Variants in PPP4R3B observed in about 807,000 individuals in gnomAD.
The protein encoded by PPP4R3B is serine/threonine-protein phosphatase 4 regulatory subunit 3B.
In PPP4R3B, 52 loss-of-function variants were observed where a neutral mutation model predicts 95.4. That is an observed-to-expected ratio of 0.54 (90% CI 0.44 to 0.69). PPP4R3B has a LOEUF of 0.69. Ranked by LOEUF, PPP4R3B falls within the 30% of genes least tolerant of loss-of-function variation. The pLI is 0.00. For missense variants in PPP4R3B, 1,003 were observed against 1,005.9 expected, an observed-to-expected ratio of 1.00 and a Z score of 0.04; for synonymous variants, 407 against 343.9, an observed-to-expected ratio of 1.18 and a Z score of -2.03.
chr2:55,596,931 T>G (rs1308420570), intron 4 of PPP4R3B, among the ~76,000 whole-genome samples: 1 of 152,090 alleles, frequency 6.6e-6, no homozygotes, highest in Non-Finnish European at 1.5e-5. Context: ...ACCATTGCAC[T>G]CCAGCTTGGG....
chr2:55,607,207 T>C (rs1343961252), intron 2 of PPP4R3B, among the ~76,000 whole-genome samples: 3 of 152,194 alleles, frequency 2.0e-5, no homozygotes, highest in African/African-American at 2.4e-5. Flanking sequence ...AGTGTGAGGA[T>C]TTCTCCCCAC....
At chr2:55,598,338 G>C in intron 4 of PPP4R3B, 78 bp downstream of exon 4, 1 of 1,381,332 alleles carries the variant, frequency 7.2e-7, no homozygotes, top group Non-Finnish European at 9.8e-7. Flanking sequence ...AAAAATAGAG[G>C]GTATAAACAC....
chr2:55,563,218 T>A (rs965303649), intron 15 of PPP4R3B, among the ~76,000 whole-genome samples: 56 of 152,280 alleles, frequency 3.7e-4, no homozygotes, highest in Admixed American at 1.2e-3. Context: ...ATAAAACTTA[T>A]CAAACTAATG....
intron 16 of PPP4R3B, among the ~76,000 whole-genome samples, chr2:55,553,570 A>T (rs770644725): frequency 6.6e-6 from 1 of 151,986 alleles, no homozygotes; most frequent in Admixed American, 6.6e-5. Flanking sequence ...CATTTCACCC[A>T]CCAAAAAAAG....
intron 16 of PPP4R3B, among the ~76,000 whole-genome samples, chr2:55,554,433 T>C (rs559552272): frequency 3.3e-5 from 5 of 152,378 alleles, no homozygotes; most frequent in African/African-American, 1.2e-4. Context: ...GTGCATCTTT[T>C]TTATTATAGC....
Position 55,554,283 on chromosome 2 carries a change from G to T in PPP4R3B, c.2455-4277C>A, listed in dbSNP as rs1176431752. On this transcript the variant is annotated intron_variant, in intron 16 of 16. Coordinates refer to ENST00000616407, the MANE Select transcript of PPP4R3B (RefSeq NM_001122964.3). ...TGCCCAGGCTGGTCTCGAGCTCCTG[G>T]GCTCAAGCGATGCTCCTGCCTCGGC... 3.9e-5 allele frequency among the ~76,000 whole-genome samples: 6 copies of T among 152,252 alleles called. No homozygotes were observed. In the South Asian group the frequency reaches 8.3e-4, roughly 21 times the overall value.
chr2:55,565,282 TAG>T (rs1687137654), intron 13 of PPP4R3B, among the ~76,000 whole-genome samples: 1 of 149,436 alleles, frequency 6.7e-6, no homozygotes, highest in African/African-American at 2.5e-5. Context: ...GAAAAGTAAA[TAG>T]ATTTATTTTA....
Position 55,615,351 on chromosome 2 carries a change from ATGT to A in PPP4R3B, c.198+97_198+99del, listed in dbSNP as rs1694744654. ...TACACATGATCTTTGTTTACCAAAC[ATGT>A]TTTTTTCTTGTCAGGAAAGCTTTCC... is the stretch of plus-strand genomic sequence containing the variant. On this transcript the variant is annotated intron_variant, in intron 2 of 16. Coordinates refer to ENST00000616407, the MANE Select transcript of PPP4R3B (RefSeq NM_001122964.3). 6 of 904,078 alleles carry A rather than the reference ATGT, an allele frequency of 6.6e-6. No individual in the cohort carries two copies. The South Asian group carries it at 7.5e-5, about 11-fold the overall frequency. 56.0% of individuals were successfully genotyped at this position (904,078 alleles called of 1,614,324 possible). A position where few individuals can be genotyped will look rare whatever the true frequency, so the allele number is the denominator to read the frequency against.
chr2:55,610,827 A>G (rs550465426), intron 2 of PPP4R3B, among the ~76,000 whole-genome samples: 50 of 151,762 alleles, frequency 3.3e-4, no homozygotes, highest in Non-Finnish European at 6.0e-4. Flanking sequence ...AACCCAATTA[A>G]CACACAATTG....
At position 55,578,267 on chromosome 2, in the gene PPP4R3B, G is replaced by A; in HGVS notation, c.1544C>T (p.Pro515Leu). ...TPSHSHSHST[P>L]SSSISQDNIV... Reference sequence around the variant, plus strand: ...CATACCTTGAGAGATGGAGGAAGAGGGGGTAGAATGGGAATGGGAATGTGA... The same window carrying A: ...CATACCTTGAGAGATGGAGGAAGAGAGGGTAGAATGGGAATGGGAATGTGA... The change falls in exon 10 of 17, where the codon CCC becomes CTC. Residue 515 changes from proline to leucine, a missense_variant. Around this residue, in one of 3 missense-constraint regions of PPP4R3B, gnomAD observed 695 missense variants for 686.2 expected, o/e 1.01. Transcript: ENST00000616407. 2.0e-6 allele frequency: 3 copies of A among 1,475,240 alleles called. No individual in the cohort carries two copies. Among genetic ancestry groups the A allele is most frequent in the Non-Finnish European group, 2.7e-6 (3 of 1,110,070 alleles). The allele number at this position is 1,475,240 out of a possible 1,614,324, so 91.4% of individuals were successfully genotyped here.
chr2:55,551,170 A>G (rs1340353550), intron 16 of PPP4R3B, among the ~76,000 whole-genome samples: 1 of 152,102 alleles, frequency 6.6e-6, no homozygotes, highest in Non-Finnish European at 1.5e-5. Context: ...CCTGGCCAAC[A>G]TAGCAAAACC....
intron 11 of PPP4R3B, among the ~76,000 whole-genome samples, 155 bp downstream of exon 11, chr2:55,577,160 T>A (rs966338203): frequency 6.6e-6 from 1 of 152,226 alleles, no homozygotes; most frequent in African/African-American, 2.4e-5. Context: ...CTATTTTTAA[T>A]ATTGGAGATA....
In PPP4R3B at chr2:55,610,797, C is replaced by G. The variant is rs982812207; in HGVS notation, c.198+4654G>C. Among the ~76,000 whole-genome samples, 8 of 151,708 alleles carry G rather than the reference C, an allele frequency of 5.3e-5. 1 individual carries two copies. The highest frequency in any genetic ancestry group is 1.3e-4 in the Admixed American group (2 of 15,262). On this transcript the variant is annotated intron_variant, in intron 2 of 16. Coordinates refer to ENST00000616407, the MANE Select transcript of PPP4R3B (RefSeq NM_001122964.3). Reference sequence around the variant, plus strand: ...TGTTACATCCTGCCTCCAAATAAAACTGCAATGAGGATTTTCTTAAACCCA... The same window carrying G: ...TGTTACATCCTGCCTCCAAATAAAAGTGCAATGAGGATTTTCTTAAACCCA...
Position 55,586,709 on chromosome 2 carries a change from G to A in PPP4R3B, c.1025C>T (p.Ala342Val). ...ELVNFFKEFC[A>V]FSQTLQPQNR... Reference sequence around the variant, plus strand: ...TTGAGGTTGTAATGTCTGAGAAAATGCACAAAACTCCTTGAAAAAATTAAC... The same window carrying A: ...TTGAGGTTGTAATGTCTGAGAAAATACACAAAACTCCTTGAAAAAATTAAC... Residue 342 changes from alanine (A) to valine (V), a missense_variant, in exon 6 of 17, where the codon GCA becomes GTA. By Grantham distance (64) the Ala-to-Val change is moderately conservative (BLOSUM62 0). Coordinates refer to ENST00000616407, the MANE Select transcript of PPP4R3B (RefSeq NM_001122964.3). 1 of 1,599,902 alleles carries A rather than the reference G, an allele frequency of 6.3e-7. No homozygotes were observed. Among genetic ancestry groups the A allele is most frequent in the African/African-American group, 1.3e-5 (1 of 74,436 alleles).
chr2:55,576,804 C>G (rs566946061), intron 11 of PPP4R3B, among the ~76,000 whole-genome samples: 12 of 152,258 alleles, frequency 7.9e-5, no homozygotes, highest in South Asian at 2.1e-4. Flanking sequence ...CTAAATAGTC[C>G]AATCTCTAAA....
At chr2:55,566,977 A>G (rs1260867785) in intron 13 of PPP4R3B, among the ~76,000 whole-genome samples, 1 of 152,234 alleles carries the variant, frequency 6.6e-6, no homozygotes, top group Non-Finnish European at 1.5e-5. Context: ...ATTGTACTCC[A>G]GCTTGGGCAA....
intron 2 of PPP4R3B, among the ~76,000 whole-genome samples, chr2:55,605,677 G>T (rs528655745): frequency 1.3e-5 from 2 of 152,212 alleles, no homozygotes; most frequent in East Asian, 3.9e-4. Flanking sequence ...GGAGGCCAAG[G>T]TAGGCAGATC....
rs539348022 is a variant in PPP4R3B at position 55,581,324 on chromosome 2, T to C, written c.1365+243A>G. 3.9e-5 allele frequency among the ~76,000 whole-genome samples: 6 copies of C among 152,314 alleles called. No homozygotes were observed. In the East Asian group the frequency reaches 1.2e-3, roughly 29 times the overall value. On this transcript the variant is annotated intron_variant, in intron 8 of 16. Coordinates refer to ENST00000616407, the MANE Select transcript of PPP4R3B (RefSeq NM_001122964.3). ...TGTTAAGTATAATCACATTGCTGTG[T>C]ATTAAATTTTAAGAAATTAACACAT... is the stretch of plus-strand genomic sequence containing the variant.
chr2:55,565,977 C>T (rs1303244382), intron 13 of PPP4R3B: 1 of 152,146 alleles, frequency 6.6e-6, no homozygotes, highest in Non-Finnish European at 1.5e-5. Context: ...TTCCTATAGT[C>T]TTCCAATAGT....
Sources: gnomAD v4.1 joint callset for allele counts (sites outside exome capture counted in the v4.1 genomes callset) on GRCh38, gnomAD v4.1.1 for gene constraint, gnomAD v4.1.1 regional missense constraint, MANE v1.5 for transcripts, NCBI Gene and HGNC (gene_info 2026-07-23, HGNC 2026-07-21) for gene names.